The following ACADL variants were observed in gnomAD, a reference collection of about 807,000 sequenced individuals.
ACADL encodes acyl-CoA dehydrogenase long chain.
Under a neutral mutation model 56.9 loss-of-function variants are expected in ACADL, and 60 were observed. The ratio of observed to expected loss-of-function variants is 1.05; its 90% CI spans 0.86 to 1.31. The LOEUF (loss-of-function observed/expected upper bound fraction) is 1.31. ACADL is among the 50% of genes most tolerant of loss of function. The probability of loss-of-function intolerance (pLI) is 0.00; values close to 1 mark genes in which losing one functional copy is unlikely to be tolerated. For missense variants in ACADL, 484 were observed against 525.5 expected (o/e 0.92, Z 0.77); for synonymous variants, 158 against 179.7 (o/e 0.88, Z 0.97).
chr2:210,216,263 G>T, intron 4 of ACADL, 84 bp downstream of exon 4: 3 of 1,460,182 alleles, frequency 2.1e-6, no homozygotes, highest in Non-Finnish European at 2.9e-6. Context: ...CTAGCATATA[G>T]CTCAGTCTAT....
chr2:210,193,666 T>C (rs1244315449), intron 9 of ACADL, among the ~76,000 whole-genome samples: 2 of 152,130 alleles, frequency 1.3e-5, no homozygotes, highest in Admixed American at 6.6e-5. Flanking sequence ...TTCTTTCTTT[T>C]TGTTTGTGAG....
intron 4 of ACADL, among the ~76,000 whole-genome samples, chr2:210,212,326 C>T (rs1318169273): frequency 1.3e-5 from 2 of 151,890 alleles, no homozygotes; most frequent in Non-Finnish European, 2.9e-5. Flanking sequence ...ACATGAATGT[C>T]CTTATAAAAG....
chr2:210,217,542 C>G (rs1194630811), intron 3 of ACADL: 3 of 159,670 alleles, frequency 1.9e-5, no homozygotes, highest in Admixed American at 1.3e-4. Flanking sequence ...AACATATTTG[C>G]ATTTCTTTTT....
chr2:210,217,833 C>T, intron 3 of ACADL, 132 bp downstream of exon 3: 4 of 1,251,968 alleles, frequency 3.2e-6, no homozygotes, highest in Non-Finnish European at 4.6e-6. Flanking sequence ...TAATCTTTTA[C>T]ATTTTACACT....
chr2:210,219,440 G>A (rs1424944576), intron 2 of ACADL, among the ~76,000 whole-genome samples: 1 of 152,032 alleles, frequency 6.6e-6, no homozygotes, highest in Non-Finnish European at 1.5e-5. Context: ...CTCCAGCCTT[G>A]GCAACAGAGT....
At chr2:210,223,795 A>C (rs1412379172) in intron 1 of ACADL, among the ~76,000 whole-genome samples, 1 of 152,166 alleles carries the variant, frequency 6.6e-6, no homozygotes, top group Non-Finnish European at 1.5e-5. Context: ...ACTGTTATTT[A>C]TGTTAACATG....
intron 1 of ACADL, among the ~76,000 whole-genome samples, chr2:210,222,571 G>T: frequency 6.6e-6 from 1 of 151,214 alleles, no homozygotes; most frequent in East Asian, 1.9e-4. Flanking sequence ...AAACCAGAAA[G>T]GTGAGATTTG....
At chr2:210,205,386 C>A (rs1688867050) in intron 6 of ACADL, among the ~76,000 whole-genome samples, 1 of 152,056 alleles carries the variant, frequency 6.6e-6, no homozygotes, top group Admixed American at 6.6e-5. Context: ...GGCTTGTTAC[C>A]ATGCAGTTAA....
At chr2:210,203,747 T>G (rs1688838067) in intron 7 of ACADL, among the ~76,000 whole-genome samples, 1 of 152,180 alleles carries the variant, frequency 6.6e-6, no homozygotes, top group Non-Finnish European at 1.5e-5. Context: ...ACAATCATAG[T>G]TCATTACATC....
chr2:210,190,720 CAAAAT>C (rs915799535), intron 10 of ACADL, among the ~76,000 whole-genome samples: 30 of 151,996 alleles, frequency 2.0e-4, no homozygotes, highest in African/African-American at 5.5e-4. Flanking sequence ...AACAAAAAAA[CAAAAT>C]AAAAAAGCAG....
At chr2:210,196,922 G>A (rs183678606) in intron 8 of ACADL, among the ~76,000 whole-genome samples, 154 of 152,274 alleles carry the variant, frequency 1.0e-3, no homozygotes, top group Middle Eastern at 6.8e-3. Context: ...GGAGGGTGGT[G>A]GGACACATTC....
chr2:210,225,420 A>C lies in ACADL; in HGVS notation c.-157T>G. On this transcript the variant is annotated 5_prime_UTR_variant, in exon 1 of 11. Transcript: ENST00000233710. Reference sequence around the variant, plus strand: ...CGCGCGCCCTTCCGGAGCCCCAACCACGCCACAGGCTGGTCGCGAGGGAAT... The same window carrying C: ...CGCGCGCCCTTCCGGAGCCCCAACCCCGCCACAGGCTGGTCGCGAGGGAAT... 1.3e-6 allele frequency: 1 copy of C among 749,152 alleles called. No homozygotes were observed. Among genetic ancestry groups the C allele is most frequent in the Non-Finnish European group, 2.1e-6 (1 of 474,804 alleles). 46.4% of individuals were successfully genotyped at this position (749,152 alleles called of 1,614,324 possible). A position where few individuals can be genotyped will look rare whatever the true frequency, so the allele number is the denominator to read the frequency against.
Position 210,205,720 on chromosome 2 carries a change from G to A in ACADL, c.680C>T (p.Ala227Val), listed in dbSNP as rs1688876296. ...AVTNHEAPSPAHGISLFLVEN... is the reference protein window; with the variant it reads ...AVTNHEAPSPVHGISLFLVEN... ...CACCAGAAAAAGGCTAATACCATGGGCAGGGGAGGGAGCTTCATGATTTGT... is the reference window on the plus strand; with the variant it reads ...CACCAGAAAAAGGCTAATACCATGGACAGGGGAGGGAGCTTCATGATTTGT... Residue 227 changes from alanine (A) to valine (V), a missense_variant, in exon 6 of 11, where the codon GCC becomes GTC. Ala to Val is a moderately conservative substitution (Grantham distance 64). Transcript: ENST00000233710. The A allele has an allele frequency of 1.5e-5, 24 of 1,613,926 alleles. No individual in the cohort carries two copies. The highest frequency in any genetic ancestry group is 1.9e-5 in the Non-Finnish European group (23 of 1,179,932).
At chr2:210,222,508 C>CAAAAAAAAAAAAAAAAAAGA (rs797000679) in intron 1 of ACADL, among the ~76,000 whole-genome samples, 1 of 81,404 alleles carries the variant, frequency 1.2e-5, no homozygotes, top group Non-Finnish European at 2.8e-5. Context: ...AACAAACAAA[C>CAAAAAAAAAAAAAAAAAAGA]AAAAAAAAAA....
At chr2:210,225,151 C>G (rs915931555) in intron 1 of ACADL, 36 bp downstream of exon 1, 12 of 1,528,028 alleles carry the variant, frequency 7.9e-6, no homozygotes, top group Middle Eastern at 2.3e-4. Context: ...CACAGCCTCC[C>G]GGCCTGCAGC....
At chr2:210,208,067 T>C (rs1018472176) in intron 5 of ACADL, among the ~76,000 whole-genome samples, 3 of 152,242 alleles carry the variant, frequency 2.0e-5, no homozygotes, top group African/African-American at 7.2e-5. Context: ...TACCTTTCTG[T>C]CTAGTTCCTA....
intron 8 of ACADL, among the ~76,000 whole-genome samples, chr2:210,200,517 A>T (rs1371586570): frequency 6.6e-6 from 1 of 152,174 alleles, no homozygotes; most frequent in Non-Finnish European, 1.5e-5. Context: ...ATACGTGTAA[A>T]TCAGTGATCC....
chr2:210,222,046 C>A (rs1212067852), intron 1 of ACADL, among the ~76,000 whole-genome samples: 1 of 152,132 alleles, frequency 6.6e-6, no homozygotes, highest in African/African-American at 2.4e-5. Context: ...CAACCTATTT[C>A]TAAGTTTTCC....
In ACADL at chr2:210,195,194, T is replaced by A. The variant is rs766012700; in HGVS notation, c.1112+17A>T. 1 of 1,613,742 alleles carries A rather than the reference T, an allele frequency of 6.2e-7. No homozygotes were observed. Among genetic ancestry groups the A allele is most frequent in the Non-Finnish European group, 8.5e-7 (1 of 1,179,788 alleles). On this transcript the variant is annotated intron_variant, in intron 9 of 10. Transcript: ENST00000233710. Reference sequence around the variant, plus strand: ...GTCTGAGCACACACCGCACTCTAATTACTGTAGCATGCATACCAATATTTC... The same window carrying A: ...GTCTGAGCACACACCGCACTCTAATAACTGTAGCATGCATACCAATATTTC...
Sources: allele counts gnomAD v4.1 joint callset (sites outside exome capture counted in the v4.1 genomes callset), GRCh38; gene constraint gnomAD v4.1.1; transcripts MANE v1.5; gene names NCBI Gene and HGNC (gene_info 2026-07-23, HGNC 2026-07-21).